Variants in RFX3 observed in about 807,000 individuals in gnomAD.
The protein encoded by RFX3 is regulatory factor X3, also known as transcription factor RFX3.
Under a neutral mutation model 98.6 loss-of-function variants are expected in RFX3, and 14 were observed. That is an observed-to-expected ratio of 0.14 (90% CI 0.09 to 0.22). RFX3 has a LOEUF of 0.22. RFX3 is among the 10% of genes least tolerant of loss of function. The pLI is 1.00. For synonymous variants in RFX3, 383 were observed against 328.4 expected (o/e 1.17, Z -1.80); for missense variants, 639 against 926.9 (o/e 0.69, Z 4.03).
At position 3,239,653 on chromosome 9, in the gene RFX3, G is replaced by C. The variant is rs548457685; in HGVS notation, c.1968+8379C>G. 2.6e-5 allele frequency among the ~76,000 whole-genome samples: 4 copies of C among 152,356 alleles called. No homozygotes were observed. In the South Asian group the frequency reaches 6.2e-4, roughly 24 times the overall value. ...TATTGGCCTTAGTTGCCTTTGAAGA[G>C]AAAAGTAGCCTCAAAAACAGGAGCA... On this transcript the variant is annotated intron_variant, in intron 15 of 16. Transcript: ENST00000617270.
At chr9:3,260,458 A>C (rs1204502122) in intron 13 of RFX3, among the ~76,000 whole-genome samples, 1 of 151,942 alleles carries the variant, frequency 6.6e-6, no homozygotes, top group Admixed American at 6.6e-5. Context: ...ATATATATAT[A>C]TGTATTTATA....
chr9:3,315,326 G>C (rs889756440), intron 4 of RFX3, among the ~76,000 whole-genome samples: 10 of 152,188 alleles, frequency 6.6e-5, no homozygotes, highest in African/African-American at 1.9e-4. Flanking sequence ...TGAAACCAAT[G>C]AGAACAAAGA....
chr9:3,385,013 G>A (rs1030281651), intron 2 of RFX3, among the ~76,000 whole-genome samples: 4 of 152,104 alleles, frequency 2.6e-5, no homozygotes, highest in African/African-American at 9.7e-5. Flanking sequence ...ATTTTGATTT[G>A]GACCTTAAAG....
intron 1 of RFX3, among the ~76,000 whole-genome samples, chr9:3,413,376 C>T (rs534713878): frequency 4.6e-5 from 7 of 152,172 alleles, no homozygotes; most frequent in Middle Eastern, 3.4e-3. Flanking sequence ...CAAGGATATA[C>T]AATCAAACTA....
chr9:3,439,126 C>T (rs986200263), intron 1 of RFX3, among the ~76,000 whole-genome samples: 17 of 150,810 alleles, frequency 1.1e-4, no homozygotes, highest in East Asian at 7.8e-4. Context: ...TTAAACTGAA[C>T]GAAATTAAAA....
At chr9:3,343,155 G>A (rs1450472235) in intron 3 of RFX3, among the ~76,000 whole-genome samples, 2 of 152,200 alleles carry the variant, frequency 1.3e-5, no homozygotes, top group Middle Eastern at 3.2e-3. Context: ...ATCTGTGAGA[G>A]CTGTCATCAC....
chr9:3,329,045 T>C (rs532916574), intron 4 of RFX3, among the ~76,000 whole-genome samples: 1 of 152,302 alleles, frequency 6.6e-6, no homozygotes, highest in South Asian at 2.1e-4. Flanking sequence ...GCTACAAAGT[T>C]TGATGATATC....
chr9:3,243,937 T>C (rs1820290176), intron 15 of RFX3, among the ~76,000 whole-genome samples: 1 of 152,182 alleles, frequency 6.6e-6, no homozygotes, highest in South Asian at 2.1e-4. Context: ...AATTTAGTGG[T>C]TGTGTGACCT....
chr9:3,522,830 A>T (rs1197996770), intron 1 of RFX3, among the ~76,000 whole-genome samples: 1 of 152,230 alleles, frequency 6.6e-6, no homozygotes, highest in Non-Finnish European at 1.5e-5. Context: ...TTCATTTTTT[A>T]ATTGCTATTG....
At chr9:3,512,193 A>C (rs562018681) in intron 1 of RFX3, among the ~76,000 whole-genome samples, 14 of 152,164 alleles carry the variant, frequency 9.2e-5, no homozygotes, top group African/African-American at 3.4e-4. Context: ...GTATACATTG[A>C]ATCTGTTGTT....
chr9:3,402,265 A>G (rs1460130962), intron 1 of RFX3, among the ~76,000 whole-genome samples: 1 of 152,164 alleles, frequency 6.6e-6, no homozygotes, highest in South Asian at 2.1e-4. Context: ...GTTCCACTAC[A>G]CTTACTGTAT....
intron 3 of RFX3, among the ~76,000 whole-genome samples, chr9:3,339,625 C>T (rs1240119584): frequency 3.9e-5 from 6 of 152,122 alleles, no homozygotes; most frequent in Non-Finnish European, 7.3e-5. Flanking sequence ...CTATCATGGG[C>T]CACTGTTCCA....
At chr9:3,285,712 T>C (rs890416473) in intron 7 of RFX3, among the ~76,000 whole-genome samples, 7 of 151,666 alleles carry the variant, frequency 4.6e-5, no homozygotes, top group African/African-American at 1.7e-4. Context: ...TAAAGGAAGT[T>C]TCAGTACTTC....
intron 9 of RFX3, among the ~76,000 whole-genome samples, chr9:3,275,298 C>T (rs1825060783): frequency 6.6e-6 from 1 of 152,020 alleles, no homozygotes; most frequent in Non-Finnish European, 1.5e-5. Flanking sequence ...GAGAATAAAA[C>T]TTATTCTCAC....
intron 1 of RFX3, among the ~76,000 whole-genome samples, chr9:3,396,648 G>A (rs1840918026): frequency 6.6e-6 from 1 of 152,092 alleles, no homozygotes; most frequent in East Asian, 1.9e-4. Context: ...CTAGTTTATG[G>A]TCCCATCAAC....
chr9:3,398,526 G>A (rs1346840515), intron 1 of RFX3, among the ~76,000 whole-genome samples: 1 of 152,170 alleles, frequency 6.6e-6, no homozygotes, highest in African/African-American at 2.4e-5. Context: ...AGCCTCTCTT[G>A]TCAACTCCAA....
At chr9:3,519,461 G>C (rs773913020) in intron 1 of RFX3, among the ~76,000 whole-genome samples, 10 of 152,162 alleles carry the variant, frequency 6.6e-5, no homozygotes, top group Non-Finnish European at 1.3e-4. Flanking sequence ...AAAAAGATTA[G>C]AATAGGTATT....
chr9:3,462,706 AC>A (rs1263687828), intron 1 of RFX3, among the ~76,000 whole-genome samples: 2 of 152,118 alleles, frequency 1.3e-5, no homozygotes, highest in Non-Finnish European at 2.9e-5. Context: ...TTACAGTGTT[AC>A]AAGGTCAAAA....
intron 2 of RFX3, among the ~76,000 whole-genome samples, chr9:3,387,828 T>C (rs1473166422): frequency 6.6e-6 from 1 of 151,990 alleles, no homozygotes; most frequent in African/African-American, 2.4e-5. Context: ...TGGTCTCAAA[T>C]GAAAAGAATT....
Sources: gnomAD v4.1 joint callset for allele counts (sites outside exome capture counted in the v4.1 genomes callset) on GRCh38, gnomAD v4.1.1 for gene constraint, MANE v1.5 for transcripts, NCBI Gene and HGNC (gene_info 2026-07-23, HGNC 2026-07-21) for gene names.